The following TNR variants were observed in gnomAD, a reference collection of about 807,000 sequenced individuals.
TNR encodes the protein tenascin R.
TNR carries 45 observed loss-of-function variants against 150.4 expected under a neutral mutation model. The ratio of observed to expected loss-of-function variants is 0.30; its 90% CI spans 0.24 to 0.38. The LOEUF is 0.38. Among genes scored for constraint, TNR ranks in the 10% least tolerant of loss-of-function variants. TNR has a pLI of 1.00. For missense variants in TNR, 1,544 were observed against 1,759.1 expected, an observed-to-expected ratio of 0.88 and a Z score of 2.19; for synonymous variants, 687 against 678.4, an observed-to-expected ratio of 1.01 and a Z score of -0.20.
chr1:175,729,468 C>A (rs1177721950), intron 1 of TNR, among the ~76,000 whole-genome samples: 1 of 152,096 alleles, frequency 6.6e-6, no homozygotes, highest in East Asian at 1.9e-4. Context: ...CTTGCTCTGT[C>A]TCCACGCCAG....
At chr1:175,557,003 C>G (rs748711359) in intron 1 of TNR, among the ~76,000 whole-genome samples, 1 of 152,184 alleles carries the variant, frequency 6.6e-6, no homozygotes. Context: ...CAAGAAGGCA[C>G]ATTGGAAAGG....
intron 1 of TNR, among the ~76,000 whole-genome samples, chr1:175,737,451 C>T (rs999108420): frequency 1.3e-5 from 2 of 152,186 alleles, no homozygotes; most frequent in African/African-American, 4.8e-5. Context: ...TGTTGACTAG[C>T]TTTATCATTA....
chr1:175,517,656 C>A lies in TNR; in HGVS notation c.-64+10613G>T, dbSNP rs147567755. On this transcript the variant is annotated intron_variant, in intron 2 of 22. Transcript: ENST00000367674. ...AATCTGTATTTTTGTAAAAGCTGTCCTATTGGTTTTGGTTTTAGTATAGTT... is the reference window on the plus strand; with the variant it reads ...AATCTGTATTTTTGTAAAAGCTGTCATATTGGTTTTGGTTTTAGTATAGTT... Among the ~76,000 whole-genome samples the A allele has an allele frequency of 4.3e-3, 651 of 152,214 alleles. 7 individuals carry two copies. The highest frequency in any genetic ancestry group is 0.015 in the African/African-American group (621 of 41,532).
intron 20 of TNR, chr1:175,330,552 G>T (rs1055901099): frequency 1.1e-4 from 25 of 235,222 alleles, no homozygotes; most frequent in African/African-American, 5.6e-4. Flanking sequence ...CACCTCCTCT[G>T]CCAAACCATG....
intron 10 of TNR, among the ~76,000 whole-genome samples, chr1:175,366,754 G>C (rs1651858375): frequency 6.6e-6 from 1 of 152,218 alleles, no homozygotes; most frequent in South Asian, 2.1e-4. Flanking sequence ...GAGCAGCAAG[G>C]GTCTCAGCTG....
chr1:175,583,672 G>C (rs1662454486), intron 1 of TNR, among the ~76,000 whole-genome samples: 1 of 152,156 alleles, frequency 6.6e-6, no homozygotes, highest in African/African-American at 2.4e-5. Flanking sequence ...CAAGGCAAAA[G>C]GATGGCTTAG....
intron 2 of TNR, among the ~76,000 whole-genome samples, chr1:175,451,128 G>A (rs2102092976): frequency 6.6e-6 from 1 of 151,642 alleles, no homozygotes; most frequent in South Asian, 2.1e-4. Context: ...CTGATAATCT[G>A]GCCCAATTGC....
chr1:175,666,935 T>A (rs1665548699), intron 1 of TNR, among the ~76,000 whole-genome samples: 1 of 152,148 alleles, frequency 6.6e-6, no homozygotes, highest in Admixed American at 6.5e-5. Context: ...ATTTTTTTTA[T>A]AGAGACAGGG....
intron 1 of TNR, among the ~76,000 whole-genome samples, chr1:175,714,619 C>T (rs576498759): frequency 2.0e-5 from 3 of 152,324 alleles, no homozygotes; most frequent in South Asian, 2.1e-4. Context: ...TTTGAAAGAC[C>T]TTCCTGGGAT....
At chr1:175,571,690 C>T (rs1049911309) in intron 1 of TNR, among the ~76,000 whole-genome samples, 1 of 152,208 alleles carries the variant, frequency 6.6e-6, no homozygotes, top group Non-Finnish European at 1.5e-5. Context: ...TGCTGTCACC[C>T]CACTAACCTC....
chr1:175,612,592 A>G (rs2101856473), intron 1 of TNR, among the ~76,000 whole-genome samples: 1 of 152,260 alleles, frequency 6.6e-6, no homozygotes, highest in East Asian at 1.9e-4. Flanking sequence ...TTTTATTTCT[A>G]TTACCCAAAA....
At chr1:175,480,458 A>AAAGAAAGAG (rs1557959794) in intron 2 of TNR, among the ~76,000 whole-genome samples, 4 of 143,752 alleles carry the variant, frequency 2.8e-5, no homozygotes, top group African/African-American at 1.1e-4. Flanking sequence ...AGAAAGAAAG[A>AAAGAAAGAG]AAAGAAAAAA....
intron 1 of TNR, among the ~76,000 whole-genome samples, chr1:175,555,012 G>A (rs1356226726): frequency 6.6e-6 from 1 of 152,146 alleles, no homozygotes; most frequent in Admixed American, 6.6e-5. Context: ...TATCCTCCAT[G>A]TGATGATTTA....
At chr1:175,700,319 C>T (rs775264503) in intron 1 of TNR, among the ~76,000 whole-genome samples, 2 of 152,148 alleles carry the variant, frequency 1.3e-5, no homozygotes, top group Non-Finnish European at 2.9e-5. Flanking sequence ...AATTATGCTG[C>T]CCATAATTAG....
At chr1:175,523,053 C>T (rs1659706719) in intron 2 of TNR, among the ~76,000 whole-genome samples, 1 of 152,202 alleles carries the variant, frequency 6.6e-6, no homozygotes. Context: ...GCAGCGTGCT[C>T]TGCAATTCTC....
chr1:175,680,757 T>C (rs1283023466), intron 1 of TNR, among the ~76,000 whole-genome samples: 1 of 152,166 alleles, frequency 6.6e-6, no homozygotes, highest in South Asian at 2.1e-4. Context: ...TATGAGCACG[T>C]GGGGTCTGAG....
intron 1 of TNR, among the ~76,000 whole-genome samples, chr1:175,639,482 C>A (rs1475313073): frequency 6.6e-6 from 1 of 152,124 alleles, no homozygotes; most frequent in Non-Finnish European, 1.5e-5. Flanking sequence ...TTGCAGTGTT[C>A]TTCCTTTCTA....
At chr1:175,644,147 T>A (rs1198358912) in intron 1 of TNR, among the ~76,000 whole-genome samples, 21 of 152,220 alleles carry the variant, frequency 1.4e-4, no homozygotes, top group Admixed American at 1.4e-3. Flanking sequence ...AGGGGGTGTG[T>A]TAGCTGCTAA....
intron 21 of TNR, among the ~76,000 whole-genome samples, chr1:175,327,075 C>T (rs1649440777): frequency 6.6e-6 from 1 of 152,078 alleles, no homozygotes; most frequent in Non-Finnish European, 1.5e-5. Flanking sequence ...ATTTCTTTCA[C>T]TATCAGTTCC....
Sources: gnomAD v4.1 joint callset for allele counts (sites outside exome capture counted in the v4.1 genomes callset) on GRCh38, gnomAD v4.1.1 for gene constraint, MANE v1.5 for transcripts, NCBI Gene and HGNC (gene_info 2026-07-23, HGNC 2026-07-21) for gene names.